The following NEB variants were observed in gnomAD, a reference collection of about 807,000 sequenced individuals.
The protein encoded by NEB is nemaline myopathy type 2.
In NEB, 512 loss-of-function variants were observed where a neutral mutation model predicts 952.2. The ratio of observed to expected loss-of-function variants is 0.54; its 90% confidence interval spans 0.50 to 0.58. The LOEUF (loss-of-function observed/expected upper bound fraction) is 0.58. Among genes scored for constraint, NEB ranks in the 20% least tolerant of loss-of-function variants. NEB has a pLI of 0.00. For synonymous variants in NEB, 2,900 were observed against 3,149.8 expected, an observed-to-expected ratio of 0.92 and a Z score of 2.66; for missense variants, 8,428 against 9,231.1, an observed-to-expected ratio of 0.91 and a Z score of 3.56.
At chr2:151,694,816 CT>C (rs1199339181) in intron 18 of NEB, among the ~76,000 whole-genome samples, 187 bp from the exon 19 acceptor site, 6 of 152,150 alleles carry the variant, frequency 3.9e-5, no homozygotes, top group Admixed American at 6.5e-5. Flanking sequence ...CAAGATTGGG[CT>C]TCTCTACTCC....
chr2:151,485,928 G>T lies in NEB; in HGVS notation c.25410C>A (p.Ile8470=). Residue 8470 remains isoleucine, a synonymous_variant, in exon 182 of 182, where the codon ATC becomes ATA. Transcript: ENST00000397345. Reference sequence around the variant, plus strand: ...CCATATAGTCATACATGGCACGGAAGATTTTCTATTCGTGGGGATGGAAAA... The same window carrying T: ...CCATATAGTCATACATGGCACGGAATATTTTCTATTCGTGGGGATGGAAAA... ...IPSHPSTAGK[I]FRAMYDYMAA... The T allele has an allele frequency of 6.2e-7, 1 of 1,613,692 alleles. No homozygotes were observed. The highest frequency in any genetic ancestry group is 1.1e-5 in the South Asian group (1 of 91,078).
At chr2:151,514,470 C>T (rs907493301) in intron 158 of NEB, 42 bp from the exon 159 acceptor site, 4 of 1,396,640 alleles carry the variant, frequency 2.9e-6, no homozygotes, top group Non-Finnish European at 4.1e-6. Flanking sequence ...CAAGAAAGCC[C>T]AGATTGATTC....
In NEB at chr2:151,690,977, C is replaced by G. The variant is rs1028318143; in HGVS notation, c.2212-152G>C. ...TATTCTCACTTCTCTGTCTGTCTCT[C>G]TCTCTCTCTCTCTTTTTCCTTTAAT... is the stretch of plus-strand genomic sequence containing the variant. On this transcript the variant is annotated intron_variant, in intron 23 of 181. Coordinates refer to ENST00000397345, the MANE Select transcript of NEB (RefSeq NM_001164508.2). 1.2e-3 allele frequency among the ~76,000 whole-genome samples: 185 copies of G among 152,078 alleles called. 2 individuals are homozygous for G. The highest frequency in any genetic ancestry group is 3.9e-3 in the African/African-American group (163 of 41,486).
At chr2:151,655,196 A>T (rs1012053058) in intron 51 of NEB, 74 bp downstream of exon 51, 1 of 890,664 alleles carries the variant, frequency 1.1e-6, no homozygotes, top group Non-Finnish European at 1.7e-6. Context: ...TTATATCAGT[A>T]TTTACTGTTA....
intron 55 of NEB, 109 bp from the exon 56 acceptor site, chr2:151,644,684 C>T (rs998299459): frequency 3.3e-5 from 28 of 859,900 alleles, no homozygotes; most frequent in Non-Finnish European, 5.3e-5. Context: ...GCATCTGTGC[C>T]CTAAAATACT....
chr2:151,594,831 G>T (rs201008053), intron 92 of NEB, among the ~76,000 whole-genome samples: 1,851 of 58,826 alleles, frequency 0.031, 20 homozygotes, highest in Middle Eastern at 0.047. Context: ...TCTCCTAAGA[G>T]TACTGAAGGA....
Position 151,562,825 on chromosome 2 carries a change from A to G in NEB, c.18694-17T>C, listed in dbSNP as rs2096154218. On this transcript the variant is annotated splice_polypyrimidine_tract_variant and intron_variant, in intron 119 of 181. Coordinates refer to ENST00000397345, the MANE Select transcript of NEB (RefSeq NM_001164508.2). ...GTAGTTCAACTAATATGTTTTAAAG[A>G]CAAAAATAAGAAAGGGGTTTAAATG... The G allele has an allele frequency of 2.0e-6, 3 of 1,518,726 alleles. No homozygotes were observed. The highest frequency in any genetic ancestry group is 2.7e-6 in the Non-Finnish European group (3 of 1,117,780). The allele number at this position is 1,518,726 out of a possible 1,614,324, so 94.1% of individuals were successfully genotyped here.
intron 153 of NEB, among the ~76,000 whole-genome samples, chr2:151,523,483 A>G (rs2083372119): frequency 6.6e-6 from 1 of 152,224 alleles, no homozygotes. Context: ...CTGAGAGGAC[A>G]AGGAAAAAGA....
intron 173 of NEB, 72 bp downstream of exon 173, chr2:151,496,204 T>TA: frequency 7.2e-7 from 1 of 1,390,602 alleles, no homozygotes; most frequent in Non-Finnish European, 1.0e-6. Context: ...GTAGGATTAA[T>TA]ATGTATTATT....
In NEB at chr2:151,655,885, G is replaced by A; in HGVS notation, c.6634C>T (p.Gln2212Ter). The A allele has an allele frequency of 6.2e-7, 1 of 1,613,742 alleles. No individual in the cohort carries two copies. Among genetic ancestry groups the A allele is most frequent in the Admixed American group, 1.7e-5 (1 of 59,984 alleles). ...QKYRQHPSNFQFKKLTDSMDM... is the reference protein window; with the variant it reads ...QKYRQHPSNF Reference sequence around the variant, plus strand: ...ATGGAATCAGTCAGCTTCTTAAACTGGAAGTTGCTCGGGTGCTGGCGGTAT... The same window carrying A: ...ATGGAATCAGTCAGCTTCTTAAACTAGAAGTTGCTCGGGTGCTGGCGGTAT... The change falls in exon 50 of 182, where the codon CAG becomes TAG. Residue 2212 changes from glutamine (Q) to a stop codon, truncating the protein, a stop_gained. Coordinates refer to ENST00000397345, the MANE Select transcript of NEB (RefSeq NM_001164508.2). LOFTEE classifies it high-confidence loss of function.
At chr2:151,577,008 T>G (rs1289135940) in intron 105 of NEB, among the ~76,000 whole-genome samples, 4 of 152,140 alleles carry the variant, frequency 2.6e-5, no homozygotes. Context: ...AGCTCTCCAT[T>G]TGAGGGACTG....
At chr2:151,660,358 GTGTA>G (rs371691551) in intron 46 of NEB, among the ~76,000 whole-genome samples, 3 of 152,074 alleles carry the variant, frequency 2.0e-5, no homozygotes, top group Non-Finnish European at 4.4e-5. Flanking sequence ...ATATTCTTGT[GTGTA>G]TGTATGTATG....
chr2:151,618,526 T>C, intron 73 of NEB, 48 bp from the exon 74 acceptor site: 1 of 1,550,506 alleles, frequency 6.4e-7, no homozygotes, highest in Non-Finnish European at 8.8e-7. Flanking sequence ...GTGTTTCAGA[T>C]TCATAGTTAC....
At chr2:151,665,122 C>T (rs2099197443) in intron 42 of NEB, among the ~76,000 whole-genome samples, 1 of 152,156 alleles carries the variant, frequency 6.6e-6, no homozygotes, top group South Asian at 2.1e-4. Context: ...GTGGTTCTGT[C>T]ACATTCTTAA....
chr2:151,531,110 T>G lies in NEB; in HGVS notation c.21523-9A>C. On this transcript the variant is annotated splice_polypyrimidine_tract_variant and intron_variant, in intron 144 of 181. Transcript: ENST00000397345. ...TCCAATTTATAAAGGATCTGAAAGA[T>G]CAAAAAGCAGAAAGACATCATGTCA... The G allele has an allele frequency of 6.4e-7, 1 of 1,563,506 alleles. No homozygotes were observed. Among genetic ancestry groups the G allele is most frequent in the Non-Finnish European group, 8.8e-7 (1 of 1,136,338 alleles).
At chr2:151,563,979 C>CAGAT in intron 117 of NEB, 49 bp from the exon 118 acceptor site, 1 of 1,330,744 alleles carries the variant, frequency 7.5e-7, no homozygotes, top group Non-Finnish European at 1.1e-6. Context: ...CAACTTCTTT[C>CAGAT]AGATACCACT....
intron 142 of NEB, 82 bp from the exon 143 acceptor site, chr2:151,533,628 G>A (rs928671676): frequency 2.4e-6 from 2 of 849,110 alleles, no homozygotes; most frequent in Non-Finnish European, 1.9e-6. Flanking sequence ...AATCACCTCT[G>A]AGTGAAGAGA....
Position 151,662,213 on chromosome 2 carries a change from TG to T in NEB, c.5891del (p.Pro1964GlnfsTer4). ...TGAGTGTGGAATACTTCAAAGTGTCTGGGTGCTGGCGGTACTTCTTTTCACT... is the reference window on the plus strand; with the variant it reads ...TGAGTGTGGAATACTTCAAAGTGTCTGGTGCTGGCGGTACTTCTTTTCACT... ...IISEKKYRQH[P>X]DTLKYSTLMD... On this transcript the variant is annotated frameshift_variant, in exon 46 of 182. Coordinates refer to ENST00000397345, the MANE Select transcript of NEB (RefSeq NM_001164508.2). LOFTEE classifies it high-confidence loss of function. 1 of 1,613,710 alleles carries T rather than the reference TG, an allele frequency of 6.2e-7. No homozygotes were observed. Among genetic ancestry groups the T allele is most frequent in the Non-Finnish European group, 8.5e-7 (1 of 1,179,700 alleles).
intron 124 of NEB, among the ~76,000 whole-genome samples, 156 bp from the exon 125 acceptor site, chr2:151,555,200 G>C (rs998281800): frequency 1.3e-5 from 2 of 152,170 alleles, no homozygotes; most frequent in Non-Finnish European, 2.9e-5. Context: ...CCTGTACAGA[G>C]AGATACAGCA....
Sources: allele counts gnomAD v4.1 joint callset (sites outside exome capture counted in the v4.1 genomes callset), GRCh38; gene constraint gnomAD v4.1.1; transcripts MANE v1.5; gene names NCBI Gene and HGNC (gene_info 2026-07-23, HGNC 2026-07-21).